Variants in NDUFA10 observed in about 807,000 individuals in gnomAD.
The protein encoded by NDUFA10 is NADH dehydrogenase [ubiquinone] 1 alpha subcomplex subunit 10, mitochondrial.
Under a neutral mutation model 47.8 loss-of-function variants are expected in NDUFA10, and 40 were observed. The observed-to-expected ratio is 0.84, with a 90% CI of 0.65 to 1.09. The LOEUF (loss-of-function observed/expected upper bound fraction) is 1.09. NDUFA10 is among the 50% of genes least tolerant of loss of function. The pLI, the probability that NDUFA10 is intolerant of heterozygous loss-of-function variation, is 0.00. For synonymous variants in NDUFA10, 183 were observed against 172.2 expected (o/e 1.06, Z -0.49); for missense variants, 413 against 451.1 (o/e 0.92, Z 0.76).
intron 9 of NDUFA10, among the ~76,000 whole-genome samples, chr2:239,963,902 C>T (rs1486180177): frequency 1.3e-5 from 2 of 152,158 alleles, no homozygotes; most frequent in South Asian, 2.1e-4. Flanking sequence ...GCGTGACATA[C>T]GGGGCCTCGC....
chr2:239,960,193 G>C lies in NDUFA10; in HGVS notation c.*925C>G, dbSNP rs149563558. ...CCTGATTCCTAATGGACACAGTGGA[G>C]CTTTACAGTGGAAAACCCACAGTTC... On this transcript the variant is annotated 3_prime_UTR_variant, in exon 10 of 10. Transcript: ENST00000252711. The C allele has an allele frequency of 7.0e-4, 690 of 981,970 alleles. 2 individuals carry two copies. The African/African-American group carries it at 7.9e-3, about 11-fold the overall frequency. The allele number at this position is 981,970 out of a possible 1,614,324, so 60.8% of individuals were successfully genotyped here. A position where few individuals can be genotyped will look rare whatever the true frequency, so the allele number is the denominator to read the frequency against.
At chr2:239,978,386 C>T (rs771667780) in intron 9 of NDUFA10, among the ~76,000 whole-genome samples, 3 of 152,158 alleles carry the variant, frequency 2.0e-5, no homozygotes, top group African/African-American at 7.2e-5. Flanking sequence ...GACCTTCCTG[C>T]GGCCTCTGAC....
chr2:239,976,284 C>T (rs1353988100), intron 9 of NDUFA10, among the ~76,000 whole-genome samples: 12 of 152,166 alleles, frequency 7.9e-5, no homozygotes, highest in African/African-American at 2.9e-4. Context: ...GCTCCACGGT[C>T]CACCCTGAGA....
intron 8 of NDUFA10, among the ~76,000 whole-genome samples, chr2:239,996,145 C>T (rs1348135379): frequency 6.6e-6 from 1 of 152,218 alleles, no homozygotes; most frequent in Middle Eastern, 3.4e-3. Context: ...ATGGACCCAG[C>T]AGAGAGAAAA....
Position 239,897,396 on chromosome 2 carries a change from A to G in NDUFA10, c.295-2082T>C, listed in dbSNP as rs568747636. Among the ~76,000 whole-genome samples the G allele has an allele frequency of 2.6e-5, 4 of 151,074 alleles. No individual in the cohort carries two copies. The East Asian group carries it at 7.7e-4, about 29-fold the overall frequency. On this transcript the variant is annotated intron_variant, in intron 4 of 5. Coordinates refer to the NDUFA10 transcript ENST00000419408. ...GGGAAAAAATACATTTTTAGATCAT[A>G]CTTTTTCTTGAAGTGAAAAAAAAAA...
intron 7 of NDUFA10, among the ~76,000 whole-genome samples, chr2:240,006,854 T>G (rs1696967020): frequency 6.6e-6 from 1 of 152,246 alleles, no homozygotes; most frequent in African/African-American, 2.4e-5. Flanking sequence ...TAGTTTGTTT[T>G]TGTATGTGAG....
chr2:240,021,937 T>C (rs1697640006), intron 2 of NDUFA10, among the ~76,000 whole-genome samples: 1 of 152,164 alleles, frequency 6.6e-6, no homozygotes, highest in Non-Finnish European at 1.5e-5. Flanking sequence ...CCAATTCAAA[T>C]TGACAACCAG....
At chr2:239,913,108 TTTGGC>T (rs973962758) in intron 4 of NDUFA10, among the ~76,000 whole-genome samples, 8 of 152,354 alleles carry the variant, frequency 5.3e-5, no homozygotes, top group Non-Finnish European at 1.0e-4. Flanking sequence ...CCAGCCCACG[TTTGGC>T]TTGCATCCAA....
chr2:239,907,071 A>G (rs527805819), intron 4 of NDUFA10, among the ~76,000 whole-genome samples: 2 of 152,316 alleles, frequency 1.3e-5, no homozygotes, highest in East Asian at 3.9e-4. Context: ...ATATAGACCA[A>G]TGGAACAGAT....
chr2:239,941,051 G>A (rs1159508648), intron 4 of NDUFA10, among the ~76,000 whole-genome samples: 6 of 152,184 alleles, frequency 3.9e-5, no homozygotes, highest in African/African-American at 9.6e-5. Flanking sequence ...AAGGGTAAGC[G>A]AAACTGGACA....
chr2:240,014,667 T>G lies in NDUFA10; in HGVS notation c.669+72A>C, dbSNP rs1697267467. ...TGGTAGGAATTAGTATAAATGCTAT[T>G]AAAACAGGGCTTTTAGTGCTGATCT... On this transcript the variant is annotated intron_variant, in intron 5 of 9. Transcript: ENST00000252711. 4.4e-6 allele frequency: 7 copies of G among 1,605,506 alleles called. No individual in the cohort carries two copies. The East Asian group carries it at 1.6e-4, about 36-fold the overall frequency.
chr2:239,990,271 T>C (rs1696191190), intron 8 of NDUFA10, 89 bp from the exon 9 acceptor site: 2 of 1,055,080 alleles, frequency 1.9e-6, no homozygotes, highest in Admixed American at 1.9e-5. Flanking sequence ...TAAACATCCA[T>C]ATAAAAAATC....
rs1432085843 is a variant in NDUFA10, at chr2:240,025,334, A to G, written c.-33T>C. 6.1e-6 allele frequency: 9 copies of G among 1,477,068 alleles called. No homozygotes were observed. Among genetic ancestry groups the G allele is most frequent in the Non-Finnish European group, 8.1e-6 (9 of 1,115,574 alleles). 91.5% of individuals were successfully genotyped at this position (1,477,068 alleles called of 1,614,324 possible). ...CGGTCAGCTCAGGATCAAGGACCCA[A>G]GGGGACGCGGTCGCGACGGGGCCCT... is the stretch of plus-strand genomic sequence containing the variant. On this transcript the variant is annotated 5_prime_UTR_variant, in exon 1 of 10. Transcript: ENST00000252711.
rs1009892951 is a variant in NDUFA10 at position 239,912,977 on chromosome 2, C to T, written c.295-17663G>A. Among the ~76,000 whole-genome samples, 5 of 152,258 alleles carry T rather than the reference C, an allele frequency of 3.3e-5. No homozygotes were observed. The South Asian group carries it at 6.2e-4, about 19-fold the overall frequency. The stretch of plus-strand genomic sequence containing the variant: ...CCGAGTCAACATGCGTATTCTCCTC[C>T]AGCTCCTTTCCTTCTGTGGAAAGCA... On this transcript the variant is annotated intron_variant, in intron 4 of 5. Transcript: ENST00000419408.
intron 4 of NDUFA10, among the ~76,000 whole-genome samples, chr2:239,952,241 C>T (rs1207582733): frequency 1.5e-5 from 1 of 68,854 alleles, no homozygotes; most frequent in Admixed American, 2.0e-4. Flanking sequence ...GAGGGGGGCG[C>T]AGGGAGGGGG....
intron 4 of NDUFA10, among the ~76,000 whole-genome samples, chr2:239,931,831 CTT>C (rs35581568): frequency 5.4e-4 from 49 of 90,182 alleles, no homozygotes; most frequent in African/African-American, 2.2e-3. Flanking sequence ...TGCACCTCTG[CTT>C]TTTTTTTTTT....
chr2:239,938,402 A>T (rs1224694459), intron 4 of NDUFA10, among the ~76,000 whole-genome samples: 3 of 152,194 alleles, frequency 2.0e-5, no homozygotes, highest in African/African-American at 7.2e-5. Flanking sequence ...GCAGCCACCG[A>T]CACACACGGG....
At chr2:239,933,443 T>A (rs890466403) in intron 4 of NDUFA10, among the ~76,000 whole-genome samples, 5 of 151,870 alleles carry the variant, frequency 3.3e-5, no homozygotes, top group African/African-American at 1.2e-4. Context: ...AGCCAGCTGG[T>A]CCTGCCAGTC....
chr2:240,021,662 TC>T (rs1379766019), intron 2 of NDUFA10, among the ~76,000 whole-genome samples: 1 of 152,206 alleles, frequency 6.6e-6, no homozygotes, highest in African/African-American at 2.4e-5. Context: ...AAAGGACTGC[TC>T]CCTGTAACCA....
Sources: gnomAD v4.1 joint callset for allele counts (sites outside exome capture counted in the v4.1 genomes callset) on GRCh38, gnomAD v4.1.1 for gene constraint, MANE v1.5 for transcripts, NCBI Gene and HGNC (gene_info 2026-07-23, HGNC 2026-07-21) for gene names.